Variants in MTUS1 observed in about 807,000 individuals in gnomAD.
The protein encoded by MTUS1 is microtubule associated scaffold protein 1.
MTUS1 carries 109 observed loss-of-function variants against 120.8 expected under a neutral mutation model. That is an observed-to-expected ratio of 0.90 (90% CI 0.77 to 1.06). MTUS1 has a LOEUF of 1.06. Ranked by LOEUF, MTUS1 falls within the 50% of genes least tolerant of loss-of-function variation. The probability of loss-of-function intolerance (pLI) is 0.00; values close to 1 mark genes in which losing one functional copy is unlikely to be tolerated. For synonymous variants in MTUS1, 737 were observed against 550.5 expected (o/e 1.34, Z -4.74); for missense variants, 2,210 against 1,486.3 (o/e 1.49, Z -8.01).
At chr8:17,761,336 C>G (rs2049022929) in intron 1 of MTUS1, among the ~76,000 whole-genome samples, 1 of 152,090 alleles carries the variant, frequency 6.6e-6, no homozygotes, top group Non-Finnish European at 1.5e-5. Flanking sequence ...AGAACTGAAT[C>G]ATTATATTAA....
At chr8:17,662,218 T>G (rs1430523700) in intron 8 of MTUS1, among the ~76,000 whole-genome samples, 3 of 152,172 alleles carry the variant, frequency 2.0e-5, no homozygotes, top group East Asian at 3.9e-4. Flanking sequence ...CACTTTCAAT[T>G]AATCAGACAC....
chr8:17,787,903 C>T (rs550754336), intron 1 of MTUS1, among the ~76,000 whole-genome samples: 1 of 152,192 alleles, frequency 6.6e-6, no homozygotes, highest in Non-Finnish European at 1.5e-5. Context: ...GGCGGATCAC[C>T]TGAGTAAGGA....
chr8:17,753,921 G>T lies in MTUS1; in HGVS notation c.1887C>A (p.Ser629=). 1 of 1,614,118 alleles carries T rather than the reference G, an allele frequency of 6.2e-7. No individual in the cohort carries two copies. The highest frequency in any genetic ancestry group is 8.5e-7 in the Non-Finnish European group (1 of 1,180,016). The change falls in exon 2 of 15, where the codon TCC becomes TCA. Residue 629 remains serine (S), a synonymous_variant. Transcript: ENST00000693296. ...SSSNSACETG[S]VSALFQKIKG... ...TGATCTTCTGAAACAACGCAGAAAC[G>T]GACCCGGTCTCGCATGCTGAGTTAG...
chr8:17,706,011 G>A (rs1446332230), intron 6 of MTUS1: 1 of 152,056 alleles, frequency 6.6e-6, no homozygotes, highest in Non-Finnish European at 1.5e-5. Context: ...CTACAATCTT[G>A]CAGCGTCATA....
At chr8:17,652,599 A>G (rs1013177421) in intron 12 of MTUS1, among the ~76,000 whole-genome samples, 2 of 152,036 alleles carry the variant, frequency 1.3e-5, no homozygotes, top group Admixed American at 1.3e-4. Context: ...TTATGAATAT[A>G]CTAAAAGCCA....
chr8:17,679,296 T>C (rs887468495), intron 7 of MTUS1, among the ~76,000 whole-genome samples: 1 of 151,390 alleles, frequency 6.6e-6, no homozygotes, highest in Non-Finnish European at 1.5e-5. Flanking sequence ...ACATACATAA[T>C]GTATATGTAT....
In MTUS1 at chr8:17,663,465, C is replaced by T. The variant is rs191752063; in HGVS notation, c.2906-7400G>A. Among the ~76,000 whole-genome samples, 11 of 152,304 alleles carry T rather than the reference C, an allele frequency of 7.2e-5. No homozygotes were observed. The East Asian group carries it at 2.1e-3, about 29-fold the overall frequency. On this transcript the variant is annotated intron_variant, in intron 8 of 14. Coordinates refer to ENST00000693296, the MANE Select transcript of MTUS1 (RefSeq NM_001363059.2). ...TGAGACGACCAAAAATATTTTAATG[C>T]TCAAGAACATAAATAAATGTCCTAA...
intron 8 of MTUS1, among the ~76,000 whole-genome samples, chr8:17,662,197 A>G (rs1809885393): frequency 6.6e-6 from 1 of 152,052 alleles, no homozygotes; most frequent in Non-Finnish European, 1.5e-5. Context: ...CTCATTCTCC[A>G]GAATTCCACT....
At chr8:17,647,295 C>G in intron 13 of MTUS1, 3 of 475,226 alleles carry the variant, frequency 6.3e-6, no homozygotes, top group South Asian at 6.0e-5. Flanking sequence ...TGCCAGGACA[C>G]TTAAATATTG....
At chr8:17,677,432 G>C (rs1381680138) in intron 7 of MTUS1, among the ~76,000 whole-genome samples, 3 of 152,140 alleles carry the variant, frequency 2.0e-5, no homozygotes, top group Non-Finnish European at 4.4e-5. Context: ...CTAACAGAAG[G>C]AAGAGATGGC....
At chr8:17,719,178 A>G (rs1206670683) in intron 4 of MTUS1, among the ~76,000 whole-genome samples, 1 of 152,154 alleles carries the variant, frequency 6.6e-6, no homozygotes, top group South Asian at 2.1e-4. Flanking sequence ...TCAAAAAAAA[A>G]GAAAAGGGCT....
chr8:17,676,966 G>A (rs992193961), intron 7 of MTUS1, among the ~76,000 whole-genome samples: 1 of 152,150 alleles, frequency 6.6e-6, no homozygotes, highest in Non-Finnish European at 1.5e-5. Context: ...CTCTCAGTAA[G>A]AGCTACGGAA....
At chr8:17,720,286 A>G (rs1311637996) in intron 4 of MTUS1, among the ~76,000 whole-genome samples, 1 of 151,682 alleles carries the variant, frequency 6.6e-6, no homozygotes, top group Admixed American at 6.6e-5. Flanking sequence ...CAGAGGTTGC[A>G]GTGAGCTGAG....
intron 3 of MTUS1, among the ~76,000 whole-genome samples, chr8:17,742,291 G>GA (rs1554516907): frequency 1.1e-5 from 1 of 94,700 alleles, no homozygotes; most frequent in African/African-American, 4.3e-5. Flanking sequence ...TGTTGTTGTT[G>GA]TTTTTTTTTT....
intron 5 of MTUS1, among the ~76,000 whole-genome samples, chr8:17,713,902 A>G (rs544989979): frequency 4.6e-5 from 7 of 152,310 alleles, no homozygotes; most frequent in Non-Finnish European, 8.8e-5. Context: ...GCTGTTATCA[A>G]TGGAAAGCAC....
At chr8:17,723,643 C>T (rs1412633286) in intron 4 of MTUS1, 29 bp downstream of exon 4, 12 of 1,595,336 alleles carry the variant, frequency 7.5e-6, no homozygotes, top group Non-Finnish European at 1.0e-5. Context: ...TTTCCACAAC[C>T]CCCGAAGTGT....
chr8:17,693,157 C>T lies in MTUS1; in HGVS notation c.2624-8615G>A, dbSNP rs377547069. ...AATATTTCTTAGCAAAGTCTTTTCC[C>T]TCCACTAACTCATTATAAAAATAGA... On this transcript the variant is annotated intron_variant, in intron 6 of 14. Transcript: ENST00000693296. The T allele has an allele frequency of 1.4e-4, 22 of 152,254 alleles. No individual in the cohort carries two copies. The East Asian group carries it at 2.9e-3, about 20-fold the overall frequency. The allele number at this position is 152,254 out of a possible 1,614,324, so 9.4% of individuals were successfully genotyped here.
chr8:17,674,194 T>C (rs115943990), intron 8 of MTUS1, among the ~76,000 whole-genome samples: 12 of 151,910 alleles, frequency 7.9e-5, no homozygotes, highest in Non-Finnish European at 1.3e-4. Flanking sequence ...TCCCAGTACT[T>C]TGGGAGGCCA....
intron 3 of MTUS1, chr8:17,724,035 A>C: frequency 1.7e-6 from 1 of 575,572 alleles, no homozygotes; most frequent in Non-Finnish European, 3.1e-6. Flanking sequence ...AAGAGAGCAG[A>C]AATGATGAGG....
Sources: allele counts gnomAD v4.1 joint callset (sites outside exome capture counted in the v4.1 genomes callset), GRCh38; gene constraint gnomAD v4.1.1; transcripts MANE v1.5; gene names NCBI Gene and HGNC (gene_info 2026-07-23, HGNC 2026-07-21).